The following GOLGA8Q variants were observed in gnomAD, a reference collection of about 807,000 sequenced individuals.
The protein encoded by GOLGA8Q is golgin subfamily A member 8Q.
In GOLGA8Q, 3 loss-of-function variants were observed where a neutral mutation model predicts 48.7. That is an observed-to-expected ratio of 0.06 (90% CI 0.03 to 0.16). The LOEUF (loss-of-function observed/expected upper bound fraction) is 0.16, where lower values mean the gene tolerates loss of function less well. Ranked by LOEUF, GOLGA8Q falls within the 10% of genes least tolerant of loss-of-function variation. The pLI is 1.00. For missense variants in GOLGA8Q, 49 were observed against 364.3 expected (o/e 0.13, Z 7.05); for synonymous variants, 22 against 138.2 (o/e 0.16, Z 5.90).
At chr15:30,559,719 A>G (rs1252991476) in intron 13 of GOLGA8Q, among the ~76,000 whole-genome samples, 9 of 151,214 alleles carry the variant, frequency 6.0e-5, no homozygotes, top group Non-Finnish European at 1.0e-4. Context: ...TTAGCAGGGC[A>G]TTGTGGCGCA....
intron 13 of GOLGA8Q, 105 bp downstream of exon 13, chr15:30,559,396 GC>G (rs2059664018): frequency 1.9e-6 from 1 of 519,238 alleles, no homozygotes; most frequent in Non-Finnish European, 3.3e-6. Flanking sequence ...CAGCCTGGGG[GC>G]TGGTGACCAC....
rs1406286702 is a variant in GOLGA8Q, at chr15:30,560,559, G to C, written c.1224G>C (p.Gln408His). The C allele has an allele frequency of 8.9e-7, 1 of 1,128,170 alleles. No individual in the cohort carries two copies. Among genetic ancestry groups the C allele is most frequent in the East Asian group, 2.3e-5 (1 of 42,740 alleles). 69.9% of individuals were successfully genotyped at this position (1,128,170 alleles called of 1,614,324 possible). A position where few individuals can be genotyped will look rare whatever the true frequency, so the allele number is the denominator to read the frequency against. The change falls in exon 14 of 19, where the codon CAG becomes CAC. Residue 408 changes from glutamine (Q) to histidine (H), a missense_variant. Coordinates refer to ENST00000562783, the MANE Select transcript of GOLGA8Q (RefSeq NM_001355476.2). Reference sequence around the variant, plus strand: ...AGGAGCACCTGGAAGCGGCCAGCCAGCAGAACCAGCAGCTAACGGCCCAGC... The same window carrying C: ...AGGAGCACCTGGAAGCGGCCAGCCACCAGAACCAGCAGCTAACGGCCCAGC... ...LGEEHLEAASQQNQQLTAQLN... is the reference protein window; with the variant it reads ...LGEEHLEAASHQNQQLTAQLN...
intron 5 of GOLGA8Q, 84 bp downstream of exon 5, chr15:30,556,096 C>T: frequency 7.6e-7 from 1 of 1,308,288 alleles, no homozygotes; most frequent in Non-Finnish European, 1.0e-6. Flanking sequence ...GTCTCACCCA[C>T]TCCCAGCCTG....
In GOLGA8Q at chr15:30,555,531, C is replaced by T. The variant is rs1425795807; in HGVS notation, c.309+409C>T. Among the ~76,000 whole-genome samples the T allele has an allele frequency of 9.1e-5, 10 of 109,580 alleles. No homozygotes were observed. The East Asian group carries it at 1.4e-3, about 15-fold the overall frequency. The allele number at this position is 109,580 out of a possible 152,430, so 71.9% of individuals were successfully genotyped here. The stretch of plus-strand genomic sequence containing the variant: ...AGTATCAAAGGTCTCTGTTAGCTCT[C>T]GAGTCTGAGATTTAAAGGCCCCCTA... On this transcript the variant is annotated intron_variant, in intron 4 of 18. Transcript: ENST00000562783.
In GOLGA8Q at chr15:30,560,528, C is replaced by T. The variant is rs1201993782; in HGVS notation, c.1201-8C>T. 9.0e-7 allele frequency: 1 copy of T among 1,107,516 alleles called. No homozygotes were observed. The highest frequency in any genetic ancestry group is 3.2e-4 in the Middle Eastern group (1 of 3,108). The allele number at this position is 1,107,516 out of a possible 1,614,324, so 68.6% of individuals were successfully genotyped here. ...TCCATCCCTTCTCACTCTTTCCTGG[C>T]CCCTTAGGAGCACCTGGAAGCGGCC... On this transcript the variant is annotated splice_polypyrimidine_tract_variant and splice_region_variant and intron_variant, in intron 13 of 18. Coordinates refer to ENST00000562783, the MANE Select transcript of GOLGA8Q (RefSeq NM_001355476.2).
chr15:30,556,243 CT>C lies in GOLGA8Q; in HGVS notation c.349-31del, dbSNP rs1359209714. On this transcript the variant is annotated intron_variant, in intron 5 of 18. Coordinates refer to ENST00000562783, the MANE Select transcript of GOLGA8Q (RefSeq NM_001355476.2). Reference sequence around the variant, plus strand: ...CTTGCTGTGCCATCTCTGCCTCCCCCTGGTAAGAGCTCTGTCTTCCTCTTCC... The same window carrying C: ...CTTGCTGTGCCATCTCTGCCTCCCCCGGTAAGAGCTCTGTCTTCCTCTTCC... 111 of 561,346 alleles carry C rather than the reference CT, an allele frequency of 2.0e-4. No individual in the cohort carries two copies. In the Middle Eastern group the frequency reaches 2.2e-3, roughly 11 times the overall value. 34.8% of individuals were successfully genotyped at this position (561,346 alleles called of 1,614,324 possible).
chr15:30,558,133 C>G lies in GOLGA8Q; in HGVS notation c.786+82C>G. The G allele has an allele frequency of 3.9e-5, 27 of 690,594 alleles. 8 individuals carry two copies. In the South Asian group the frequency reaches 4.1e-4, roughly 11 times the overall value. The allele number at this position is 690,594 out of a possible 1,614,324, so 42.8% of individuals were successfully genotyped here. A position where few individuals can be genotyped will look rare whatever the true frequency, so the allele number is the denominator to read the frequency against. The stretch of plus-strand genomic sequence containing the variant: ...CATCTGTAAAATGGGAATAGTAGAG[C>G]CAGAGGTGGTCATGGGTCTGGGCTT... On this transcript the variant is annotated intron_variant, in intron 10 of 18. Coordinates refer to ENST00000562783, the MANE Select transcript of GOLGA8Q (RefSeq NM_001355476.2).
At chr15:30,559,074 T>C (rs2059661747) in intron 12 of GOLGA8Q, 107 bp downstream of exon 12, 1 of 307,402 alleles carries the variant, frequency 3.3e-6, no homozygotes, top group East Asian at 3.9e-5. Flanking sequence ...AGGTTACTTC[T>C]AAAGGCACCT....
chr15:30,555,553 C>G (rs2059636553), intron 4 of GOLGA8Q, among the ~76,000 whole-genome samples: 1 of 110,406 alleles, frequency 9.1e-6, no homozygotes, highest in African/African-American at 3.6e-5. Flanking sequence ...TTAAAGGCCC[C>G]CTAGAACGGA....
intron 10 of GOLGA8Q, 24 bp downstream of exon 10, chr15:30,558,075 C>T (rs2059655856): frequency 9.5e-7 from 1 of 1,048,696 alleles, no homozygotes; most frequent in Non-Finnish European, 1.3e-6. Context: ...CTTCAGCCCC[C>T]CCACATTAGA....
intron 14 of GOLGA8Q, 162 bp downstream of exon 14, chr15:30,560,773 A>T: frequency 1.5e-6 from 1 of 674,890 alleles, no homozygotes; most frequent in Admixed American, 2.8e-5. Flanking sequence ...ACCTCCTGTG[A>T]GCGGGCAGTC....
chr15:30,555,561 G>A (rs1243511687), intron 4 of GOLGA8Q, among the ~76,000 whole-genome samples: 12 of 110,502 alleles, frequency 1.1e-4, no homozygotes, highest in Admixed American at 3.3e-4. Context: ...CCCCTAGAAC[G>A]GAAACCTCAG....
Position 30,558,925 on chromosome 15 carries a change from G to T in GOLGA8Q, c.1089G>T (p.Lys363Asn). 2 of 268,420 alleles carry T rather than the reference G, an allele frequency of 7.5e-6. 1 individual carries two copies. The highest frequency in any genetic ancestry group is 5.6e-5 in the South Asian group (2 of 35,814). 16.6% of individuals were successfully genotyped at this position (268,420 alleles called of 1,614,324 possible). The part of the protein sequence containing the change: ...QEERLQEQHE[K>N]LRQLAKPQSV... ...AGAGGCTTCAGGAGCAGCACGAGAA[G>T]CTTCGGCAGCTGGCCAAGCCACAGA... is the stretch of plus-strand genomic sequence containing the variant. The change falls in exon 12 of 19, where the codon AAG (lysine) becomes AAT (asparagine). Residue 363 changes from lysine (K) to asparagine (N), a missense_variant. Coordinates refer to ENST00000562783, the MANE Select transcript of GOLGA8Q (RefSeq NM_001355476.2).
Position 30,556,696 on chromosome 15 carries a change from A to T in GOLGA8Q, c.587A>T (p.Asn196Ile), listed in dbSNP as rs2140722682. 1 of 864,080 alleles carries T rather than the reference A, an allele frequency of 1.2e-6. No homozygotes were observed. Among genetic ancestry groups the T allele is most frequent in the Non-Finnish European group, 1.9e-6 (1 of 534,900 alleles). The allele number at this position is 864,080 out of a possible 1,614,324, so 53.5% of individuals were successfully genotyped here. A position where few individuals can be genotyped will look rare whatever the true frequency, so the allele number is the denominator to read the frequency against. The change falls in exon 8 of 19, where the codon AAC (asparagine) becomes ATC (isoleucine). Residue 196 changes from asparagine (N) to isoleucine (I), a missense_variant. By Grantham distance (149) the Asn-to-Ile change is moderately radical. Transcript: ENST00000562783. ...AVIATEKKKANQLSSCSKAHT... is the reference protein window; with the variant it reads ...AVIATEKKKAIQLSSCSKAHT... ...ATCGCCACAGAGAAGAAGAAGGCAA[A>T]CCAGGTGAGTCCAGCCACCTGCCCC...
chr15:30,560,621 A>C lies in GOLGA8Q; in HGVS notation c.1276+10A>C. The stretch of plus-strand genomic sequence containing the variant: ...GCTCTCCCTGGGGAAGGTACGGGAG[A>C]CCGCTCAGAGGAAGAGGAGAGAGCC... On this transcript the variant is annotated intron_variant, in intron 14 of 18. Coordinates refer to ENST00000562783, the MANE Select transcript of GOLGA8Q (RefSeq NM_001355476.2). 1 of 1,121,762 alleles carries C rather than the reference A, an allele frequency of 8.9e-7. No individual in the cohort carries two copies. The highest frequency in any genetic ancestry group is 1.4e-5 in the South Asian group (1 of 70,436). 69.5% of individuals were successfully genotyped at this position (1,121,762 alleles called of 1,614,324 possible).
chr15:30,559,632 A>G (rs1193773307), intron 13 of GOLGA8Q: 3 of 369,166 alleles, frequency 8.1e-6, no homozygotes, highest in African/African-American at 6.6e-5. Flanking sequence ...CAGAAGAATC[A>G]CTTGAGGTCG....
chr15:30,560,205 C>A (rs2059671574), intron 13 of GOLGA8Q, among the ~76,000 whole-genome samples: 1 of 92,150 alleles, frequency 1.1e-5, no homozygotes, highest in Non-Finnish European at 2.2e-5. Flanking sequence ...GGTCTTCCTG[C>A]AGGTGTAGCT....
chr15:30,556,025 C>T lies in GOLGA8Q; in HGVS notation c.348+13C>T, dbSNP rs1216425689. The T allele has an allele frequency of 6.5e-6, 7 of 1,075,934 alleles. 1 individual carries two copies. The highest frequency in any genetic ancestry group is 4.7e-5 in the East Asian group (2 of 42,612). The allele number at this position is 1,075,934 out of a possible 1,614,324, so 66.6% of individuals were successfully genotyped here. On this transcript the variant is annotated intron_variant, in intron 5 of 18. Coordinates refer to ENST00000562783, the MANE Select transcript of GOLGA8Q (RefSeq NM_001355476.2). ...TCAGCTGGAAGAAGTAACGTGATTTCGTTTCCTCGCAACATGACTGCTGGG... is the reference window on the plus strand; with the variant it reads ...TCAGCTGGAAGAAGTAACGTGATTTTGTTTCCTCGCAACATGACTGCTGGG...
In GOLGA8Q at chr15:30,558,943, G is replaced by GCT; in HGVS notation, c.1108_1109insTC (p.Pro370LeufsTer9). The GCT allele has an allele frequency of 3.8e-6, 1 of 266,338 alleles. No homozygotes were observed. Among genetic ancestry groups the GCT allele is most frequent in the Non-Finnish European group, 6.8e-6 (1 of 147,666 alleles). The allele number at this position is 266,338 out of a possible 1,614,324, so 16.5% of individuals were successfully genotyped here. On this transcript the variant is annotated frameshift_variant, in exon 12 of 19. Transcript: ENST00000562783. LOFTEE classifies it high-confidence loss of function. ...ACGAGAAGCTTCGGCAGCTGGCCAA[G>GCT]CCACAGAGCGTCTTCGAGGAGCTGG...
Sources: gnomAD v4.1 joint callset for allele counts (sites outside exome capture counted in the v4.1 genomes callset) on GRCh38, gnomAD v4.1.1 for gene constraint, MANE v1.5 for transcripts, NCBI Gene and HGNC (gene_info 2026-07-23, HGNC 2026-07-21) for gene names.